SWT1: variants seen among roughly 807,000 people sequenced by gnomAD.
SWT1 encodes the protein SWT1 RNA endoribonuclease homolog.
Under a neutral mutation model 107.3 loss-of-function variants are expected in SWT1, and 33 were observed. The ratio of observed to expected loss-of-function variants is 0.31; its 90% confidence interval spans 0.23 to 0.41. The LOEUF is 0.41. Among genes scored for constraint, SWT1 ranks in the 10% least tolerant of loss-of-function variants. The pLI is 1.00. For synonymous variants in SWT1, 345 were observed against 348.3 expected (o/e 0.99, Z 0.11); for missense variants, 898 against 1,028.9 (o/e 0.87, Z 1.74).
intron 9 of SWT1, among the ~76,000 whole-genome samples, chr1:185,189,835 A>G (rs915799316): frequency 6.7e-6 from 1 of 149,910 alleles, no homozygotes; most frequent in Non-Finnish European, 1.5e-5. Flanking sequence ...TTATATATGT[A>G]TATATAAATA....
intron 16 of SWT1, among the ~76,000 whole-genome samples, chr1:185,270,272 G>T (rs1431337096): frequency 6.9e-6 from 1 of 145,550 alleles, no homozygotes; most frequent in African/African-American, 2.6e-5. Flanking sequence ...AAAATGACAG[G>T]CTGGTTTACT....
chr1:185,290,858 G>A lies in SWT1; in HGVS notation c.*55G>A. ...ATTTGTCCTTAAGAATAACAGAGTAGTTTTCAATCTGGTCACTCTTTTGGG... is the reference window on the plus strand; with the variant it reads ...ATTTGTCCTTAAGAATAACAGAGTAATTTTCAATCTGGTCACTCTTTTGGG... On this transcript the variant is annotated 3_prime_UTR_variant, in exon 19 of 19. Transcript: ENST00000367500. 1 of 1,503,406 alleles carries A rather than the reference G, an allele frequency of 6.7e-7. No individual in the cohort carries two copies. The highest frequency in any genetic ancestry group is 9.1e-7 in the Non-Finnish European group (1 of 1,102,788). The allele number at this position is 1,503,406 out of a possible 1,614,324, so 93.1% of individuals were successfully genotyped here.
At chr1:185,260,224 A>G (rs1441278854) in intron 16 of SWT1, among the ~76,000 whole-genome samples, 1 of 152,170 alleles carries the variant, frequency 6.6e-6, no homozygotes, top group Non-Finnish European at 1.5e-5. Flanking sequence ...GAAGGAGTCT[A>G]GAAAACACTG....
intron 10 of SWT1, among the ~76,000 whole-genome samples, chr1:185,193,526 G>A (rs1657129326): frequency 6.6e-6 from 1 of 151,402 alleles, no homozygotes; most frequent in African/African-American, 2.4e-5. Flanking sequence ...GAGTGAAGTG[G>A]TGCAATCTTG....
At chr1:185,289,017 A>G (rs544642376) in intron 18 of SWT1, among the ~76,000 whole-genome samples, 11 of 152,346 alleles carry the variant, frequency 7.2e-5, no homozygotes, top group African/African-American at 2.6e-4. Flanking sequence ...AATATTTCTA[A>G]GAATTGAAAC....
intron 13 of SWT1, among the ~76,000 whole-genome samples, chr1:185,207,721 G>A (rs2102472569): frequency 6.6e-6 from 1 of 152,102 alleles, no homozygotes; most frequent in African/African-American, 2.4e-5. Flanking sequence ...GGGCAACATG[G>A]TAAAACTCCC....
intron 15 of SWT1, among the ~76,000 whole-genome samples, chr1:185,229,137 G>A (rs1036143407): frequency 4.6e-5 from 7 of 152,176 alleles, no homozygotes; most frequent in Non-Finnish European, 8.8e-5. Flanking sequence ...AGGCTGTGAA[G>A]TGATGAGGGT....
chr1:185,179,351 G>T (rs759624932), intron 5 of SWT1, among the ~76,000 whole-genome samples: 2 of 152,206 alleles, frequency 1.3e-5, no homozygotes, highest in Non-Finnish European at 2.9e-5. Context: ...TTACTTTGGA[G>T]AATTCTTAGA....
chr1:185,162,276 G>C (rs1197429572), intron 2 of SWT1, among the ~76,000 whole-genome samples: 1 of 152,154 alleles, frequency 6.6e-6, no homozygotes, highest in Admixed American at 6.5e-5. Flanking sequence ...TGGTTTCTGT[G>C]TTGCTAAATC....
intron 16 of SWT1, among the ~76,000 whole-genome samples, chr1:185,256,281 G>A (rs922840705): frequency 9.9e-4 from 150 of 151,336 alleles, no homozygotes; most frequent in African/African-American, 3.6e-3. Context: ...TTCTCGAGGA[G>A]TATCTTTGTG....
intron 13 of SWT1, among the ~76,000 whole-genome samples, chr1:185,209,921 C>A (rs1658640763): frequency 1.3e-5 from 2 of 152,052 alleles, no homozygotes; most frequent in South Asian, 4.1e-4. Flanking sequence ...GCCATTCTAA[C>A]TGGTATGAGA....
At chr1:185,221,732 A>G (rs1218874222) in intron 14 of SWT1, 117 bp from the exon 15 acceptor site, 3 of 644,932 alleles carry the variant, frequency 4.7e-6, no homozygotes, top group East Asian at 5.6e-5. Flanking sequence ...AATAAAAGAA[A>G]AAGAATTGCC....
intron 15 of SWT1, chr1:185,227,550 C>G (rs1660165414): frequency 1.9e-6 from 1 of 521,810 alleles, no homozygotes; most frequent in African/African-American, 1.9e-5. Context: ...GAACTGTCAT[C>G]CTGTATTTGA....
intron 16 of SWT1, among the ~76,000 whole-genome samples, chr1:185,244,109 TA>T (rs953395699): frequency 3.1e-3 from 469 of 148,996 alleles, no homozygotes; most frequent in African/African-American, 1.0e-2. Flanking sequence ...TTCTTTTTCT[TA>T]AAAAAAAAAT....
At chr1:185,232,844 G>C (rs1193298209) in intron 16 of SWT1, among the ~76,000 whole-genome samples, 1 of 151,974 alleles carries the variant, frequency 6.6e-6, no homozygotes, top group Non-Finnish European at 1.5e-5. Context: ...TTTAATTTTA[G>C]GAACTTTAAA....
At chr1:185,269,099 G>A (rs905081266) in intron 16 of SWT1, among the ~76,000 whole-genome samples, 4 of 152,072 alleles carry the variant, frequency 2.6e-5, no homozygotes, top group Non-Finnish European at 5.9e-5. Context: ...TGATTTGCCC[G>A]CCTCAGCCTC....
rs766843268 is a variant in SWT1, at chr1:185,202,831, T to A, written c.1669+32T>A. ...TTTTTACTATAAATAATTAGAGATA[T>A]ATCTTATTTTATACACTAAGATTAT... is the stretch of plus-strand genomic sequence containing the variant. On this transcript the variant is annotated intron_variant, in intron 11 of 18. Coordinates refer to ENST00000367500, the MANE Select transcript of SWT1 (RefSeq NM_017673.7). 6 of 1,201,404 alleles carry A rather than the reference T, an allele frequency of 5.0e-6. No homozygotes were observed. In the African/African-American group the frequency reaches 9.5e-5, roughly 19 times the overall value. 74.4% of individuals were successfully genotyped at this position (1,201,404 alleles called of 1,614,324 possible).
At chr1:185,185,924 A>T (rs1017489338) in intron 9 of SWT1, among the ~76,000 whole-genome samples, 1 of 152,194 alleles carries the variant, frequency 6.6e-6, no homozygotes, top group Non-Finnish European at 1.5e-5. Context: ...TTAGTTGACT[A>T]TAATTTTAGC....
At chr1:185,272,161 C>A (rs929107118) in intron 17 of SWT1, among the ~76,000 whole-genome samples, 1 of 152,162 alleles carries the variant, frequency 6.6e-6, no homozygotes, top group Admixed American at 6.5e-5. Flanking sequence ...GAAAGGAGAG[C>A]TATAATTTAG....
Sources: gnomAD v4.1 joint callset for allele counts (sites outside exome capture counted in the v4.1 genomes callset) on GRCh38, gnomAD v4.1.1 for gene constraint, MANE v1.5 for transcripts, NCBI Gene and HGNC (gene_info 2026-07-23, HGNC 2026-07-21) for gene names.